Variants in UBAC2 observed in about 807,000 individuals in gnomAD.
UBAC2 encodes the protein ubiquitin-associated domain-containing protein 2.
UBAC2 carries 26 observed loss-of-function variants against 44.0 expected under a neutral mutation model. The observed-to-expected ratio is 0.59, with a 90% confidence interval of 0.43 to 0.82. The LOEUF is 0.82. Among genes scored for constraint, UBAC2 ranks in the 40% least tolerant of loss-of-function variants. The pLI, the probability that UBAC2 is intolerant of heterozygous loss-of-function variation, is 0.00. For synonymous variants in UBAC2, 155 were observed against 154.3 expected, an observed-to-expected ratio of 1.00 and a Z score of -0.04; for missense variants, 329 against 419.4, an observed-to-expected ratio of 0.78 and a Z score of 1.88.
intron 1 of UBAC2, among the ~76,000 whole-genome samples, chr13:99,224,575 C>A (rs1399888954): frequency 1.3e-5 from 2 of 152,016 alleles, no homozygotes; most frequent in African/African-American, 4.8e-5. Context: ...CACCTCCCAC[C>A]CAATGTTTTA....
Position 99,295,881 on chromosome 13 carries a change from C to T in UBAC2, c.390-18216C>T. The T allele has an allele frequency of 6.2e-7, 1 of 1,610,492 alleles. No individual in the cohort carries two copies. The highest frequency in any genetic ancestry group is 2.2e-5 in the East Asian group (1 of 44,880). On this transcript the variant is annotated intron_variant, in intron 4 of 8. Coordinates refer to ENST00000403766, the MANE Select transcript of UBAC2 (RefSeq NM_001144072.2). This position sits in a 1 kb window ranked among gnomAD's most constrained non-coding sequence, Gnocchi z 4.1. Reference sequence around the variant, plus strand: ...CAGTCAAAGCCCATTGCATAGTAGGCTATTCGTGTAGGCAAAGCGGTGGTA... The same window carrying T: ...CAGTCAAAGCCCATTGCATAGTAGGTTATTCGTGTAGGCAAAGCGGTGGTA...
chr13:99,338,187 A>G (rs2044829152), intron 6 of UBAC2, among the ~76,000 whole-genome samples: 1 of 150,578 alleles, frequency 6.6e-6, no homozygotes, highest in African/African-American at 2.4e-5. Context: ...CCTCCTGAGT[A>G]GCTGGGACCA....
chr13:99,250,217 C>T (rs1434228652), intron 4 of UBAC2, among the ~76,000 whole-genome samples: 1 of 152,062 alleles, frequency 6.6e-6, no homozygotes, highest in Non-Finnish European at 1.5e-5. Flanking sequence ...ATCTTTAATC[C>T]ATCTTGAATT....
At chr13:99,242,685 AC>A (rs58095792) in intron 2 of UBAC2, among the ~76,000 whole-genome samples, 85,569 of 87,742 alleles carry the variant, frequency 0.98, 41,724 homozygotes, top group Non-Finnish European at 0.98. Flanking sequence ...CGGGGGGCTG[AC>A]CCCCCCCACC....
At chr13:99,338,591 T>C (rs1594142356) in intron 6 of UBAC2, among the ~76,000 whole-genome samples, 1 of 152,366 alleles carries the variant, frequency 6.6e-6, no homozygotes, top group East Asian at 1.9e-4. Context: ...GATTAGTTTC[T>C]GGTTTCATGG....
intron 6 of UBAC2, among the ~76,000 whole-genome samples, chr13:99,333,039 A>G (rs1027569515): frequency 2.0e-5 from 3 of 152,178 alleles, no homozygotes; most frequent in Admixed American, 2.0e-4. Flanking sequence ...AGATGGGAAG[A>G]TCACTTGAAG....
At chr13:99,348,184 T>G (rs2045021184) in intron 7 of UBAC2, among the ~76,000 whole-genome samples, 1 of 152,226 alleles carries the variant, frequency 6.6e-6, no homozygotes, top group Non-Finnish European at 1.5e-5. Flanking sequence ...CAGGAGCTGT[T>G]GTACTTCTTT....
At chr13:99,340,918 A>G (rs1026877807) in intron 7 of UBAC2, among the ~76,000 whole-genome samples, 2 of 152,228 alleles carry the variant, frequency 1.3e-5, no homozygotes. Context: ...TGCTAATCAT[A>G]TGCTATGGAG....
At position 99,255,654 on chromosome 13, in the gene UBAC2, C is replaced by T. The variant is rs1463203338; in HGVS notation, c.389+11030C>T. ...AATAAAACATTCGAAAGGGTAAAGT[C>T]ATTATAAATATCAAGTCCACTAATG... On this transcript the variant is annotated intron_variant, in intron 4 of 8. Transcript: ENST00000403766. 2.5e-6 allele frequency: 4 copies of T among 1,613,832 alleles called. No homozygotes were observed. In the African/African-American group the frequency reaches 4.0e-5, roughly 16 times the overall value.
At chr13:99,335,230 T>A (rs2044770233) in intron 6 of UBAC2, among the ~76,000 whole-genome samples, 1 of 152,226 alleles carries the variant, frequency 6.6e-6, no homozygotes, top group Non-Finnish European at 1.5e-5. Flanking sequence ...CAGCTCTAAT[T>A]TGTACTACAT....
At chr13:99,357,557 C>T (rs1416881325) in intron 7 of UBAC2, among the ~76,000 whole-genome samples, 1 of 152,332 alleles carries the variant, frequency 6.6e-6, no homozygotes, top group African/African-American at 2.4e-5. Flanking sequence ...CATATTCATA[C>T]TTACACCAAA....
chr13:99,253,557 A>G (rs769889378), intron 4 of UBAC2, among the ~76,000 whole-genome samples: 6 of 151,958 alleles, frequency 3.9e-5, no homozygotes, highest in Non-Finnish European at 8.8e-5. Flanking sequence ...TTTGTCACCC[A>G]GGCTGGAGTG....
intron 4 of UBAC2, among the ~76,000 whole-genome samples, chr13:99,244,881 G>A (rs1167996258): frequency 6.6e-6 from 1 of 151,054 alleles, no homozygotes; most frequent in South Asian, 2.1e-4. Flanking sequence ...CACCCAGGCT[G>A]GAGTGCATTG....
rs1478716015 is a variant in UBAC2 at position 99,385,863 on chromosome 13, G to C, written c.*528G>C. On this transcript the variant is annotated 3_prime_UTR_variant, in exon 9 of 9. Coordinates refer to ENST00000403766, the MANE Select transcript of UBAC2 (RefSeq NM_001144072.2). ...TCCTCCCCCAAGCTGTTCCAGGCCAGAGGACTCTGCAGTACCTTCTCCTAC... is the reference window on the plus strand; with the variant it reads ...TCCTCCCCCAAGCTGTTCCAGGCCACAGGACTCTGCAGTACCTTCTCCTAC... 1.3e-5 allele frequency: 2 copies of C among 159,012 alleles called. No homozygotes were observed. Among genetic ancestry groups the C allele is most frequent in the African/African-American group, 4.8e-5 (2 of 41,544 alleles). The allele number at this position is 159,012 out of a possible 1,614,324, so 9.9% of individuals were successfully genotyped here. A position where few individuals can be genotyped will look rare whatever the true frequency, so the allele number is the denominator to read the frequency against.
At chr13:99,260,120 T>G (rs1221345288) in intron 4 of UBAC2, among the ~76,000 whole-genome samples, 1 of 152,190 alleles carries the variant, frequency 6.6e-6, no homozygotes, top group Non-Finnish European at 1.5e-5. Context: ...GGCCTGCTGC[T>G]CTTTGTTCTT....
chr13:99,367,396 C>T (rs998648485), intron 7 of UBAC2, among the ~76,000 whole-genome samples: 1 of 152,200 alleles, frequency 6.6e-6, no homozygotes, highest in African/African-American at 2.4e-5. Context: ...TTAGCCTCGT[C>T]TCCATGCCTT....
intron 4 of UBAC2, among the ~76,000 whole-genome samples, chr13:99,299,092 G>T (rs891554982): frequency 4.6e-5 from 7 of 152,230 alleles, no homozygotes; most frequent in Non-Finnish European, 1.0e-4. Flanking sequence ...AATTAGGAAA[G>T]TAACACTTAT....
chr13:99,230,859 G>A (rs2043164814), intron 1 of UBAC2, among the ~76,000 whole-genome samples: 1 of 152,170 alleles, frequency 6.6e-6, no homozygotes, highest in Non-Finnish European at 1.5e-5. Context: ...GACCAGCCTG[G>A]CCAATATGGT....
intron 1 of UBAC2, among the ~76,000 whole-genome samples, chr13:99,214,135 G>A (rs542685087): frequency 7.2e-5 from 11 of 152,066 alleles, no homozygotes; most frequent in African/African-American, 2.7e-4. Context: ...TGTATTTATT[G>A]TAGAGCCAGG....
Sources: gnomAD v4.1 joint callset for allele counts (sites outside exome capture counted in the v4.1 genomes callset) on GRCh38, gnomAD v4.1.1 for gene constraint, Gnocchi (gnomAD v3.1) non-coding constraint, MANE v1.5 for transcripts, NCBI Gene and HGNC (gene_info 2026-07-23, HGNC 2026-07-21) for gene names.